Variants in NBEA observed in about 807,000 individuals in gnomAD.
NBEA encodes lysosomal-trafficking regulator 2.
A neutral mutation model predicts 343.4 loss-of-function variants in NBEA; 44 were observed. The ratio of observed to expected loss-of-function variants is 0.13; its 90% confidence interval spans 0.10 to 0.16. The LOEUF is 0.16. Ranked by LOEUF, NBEA falls within the 10% of genes least tolerant of loss-of-function variation. The pLI is 1.00. For synonymous variants in NBEA, 1,175 were observed against 1,238.7 expected, an observed-to-expected ratio of 0.95 and a Z score of 1.08; for missense variants, 2,555 against 3,631.3, an observed-to-expected ratio of 0.70 and a Z score of 7.62.
At chr13:35,593,560 T>C in intron 47 of NBEA, 113 bp downstream of exon 47, 1 of 676,808 alleles carries the variant, frequency 1.5e-6, no homozygotes, top group Non-Finnish European at 2.3e-6. Flanking sequence ...TCCATCATAT[T>C]AAAATTATAT....
chr13:35,351,665 A>T (rs1343640568), intron 37 of NBEA, among the ~76,000 whole-genome samples: 1 of 151,976 alleles, frequency 6.6e-6, no homozygotes, highest in Non-Finnish European at 1.5e-5. Context: ...TGGAGTTTGC[A>T]TATTTTGTGA....
intron 1 of NBEA, among the ~76,000 whole-genome samples, chr13:34,960,785 AT>A (rs2059637382): frequency 6.6e-6 from 1 of 152,134 alleles, no homozygotes. Flanking sequence ...ACACTCTGAT[AT>A]TTGTACAACA....
At chr13:35,260,167 C>T (rs2033078450) in intron 34 of NBEA, among the ~76,000 whole-genome samples, 1 of 152,124 alleles carries the variant, frequency 6.6e-6, no homozygotes, top group Non-Finnish European at 1.5e-5. Flanking sequence ...CATGAAATAA[C>T]AAAGTCAGTC....
At chr13:35,150,360 G>A (rs1478072634) in intron 18 of NBEA, among the ~76,000 whole-genome samples, 1 of 151,918 alleles carries the variant, frequency 6.6e-6, no homozygotes, top group African/African-American at 2.4e-5. Context: ...TAATACTATG[G>A]CCAAACCAAA....
At chr13:35,485,205 A>G (rs558450198) in intron 41 of NBEA, among the ~76,000 whole-genome samples, 30 of 152,242 alleles carry the variant, frequency 2.0e-4, no homozygotes, top group African/African-American at 7.2e-4. Context: ...TGGGTGCTAT[A>G]TTGGATGTGT....
intron 41 of NBEA, among the ~76,000 whole-genome samples, chr13:35,534,207 C>G (rs1223575029): frequency 6.6e-6 from 1 of 152,090 alleles, no homozygotes; most frequent in East Asian, 1.9e-4. Context: ...TGGCAGAAAA[C>G]TCCTAGCCAC....
chr13:35,561,398 C>T (rs1407101231), intron 44 of NBEA, among the ~76,000 whole-genome samples: 1 of 152,040 alleles, frequency 6.6e-6, no homozygotes, highest in Non-Finnish European at 1.5e-5. Context: ...TTTCTGGCTT[C>T]ACATGTTTAA....
In NBEA at chr13:35,523,614, C is replaced by T. The variant is rs1039786469; in HGVS notation, c.6586-26863C>T. Among the ~76,000 whole-genome samples, 4 of 152,136 alleles carry T rather than the reference C, an allele frequency of 2.6e-5. No homozygotes were observed. The East Asian group carries it at 5.8e-4, about 22-fold the overall frequency. On this transcript the variant is annotated intron_variant, in intron 41 of 58. Transcript: ENST00000379939. The stretch of plus-strand genomic sequence containing the variant: ...CCAATGAGTTACTATGTAAAGCATA[C>T]GCCTGCCTCTCCTGGGGGTTGTTTG...
intron 41 of NBEA, among the ~76,000 whole-genome samples, chr13:35,526,585 T>A (rs144541175): frequency 6.6e-6 from 1 of 152,332 alleles, no homozygotes; most frequent in Non-Finnish European, 1.5e-5. Context: ...GTGTCACTTT[T>A]CCAGCTGGAA....
chr13:35,608,342 A>T, intron 48 of NBEA, among the ~76,000 whole-genome samples: 1 of 152,280 alleles, frequency 6.6e-6, no homozygotes, highest in South Asian at 2.1e-4. Context: ...TATATTTTTA[A>T]TGTGAATGAC....
chr13:35,478,632 G>A (rs150715401), intron 41 of NBEA, among the ~76,000 whole-genome samples: 53 of 152,310 alleles, frequency 3.5e-4, no homozygotes, highest in Non-Finnish European at 7.1e-4. Flanking sequence ...TTGGTGTCCC[G>A]GCTTACTCTC....
intron 10 of NBEA, among the ~76,000 whole-genome samples, chr13:35,074,416 T>C (rs1195257435): frequency 6.6e-6 from 1 of 152,098 alleles, no homozygotes; most frequent in African/African-American, 2.4e-5. Context: ...CCTAAGACAG[T>C]TTTGCTTTGA....
intron 18 of NBEA, among the ~76,000 whole-genome samples, chr13:35,153,994 G>A (rs993578550): frequency 1.3e-5 from 2 of 152,098 alleles, no homozygotes; most frequent in African/African-American, 2.4e-5. Flanking sequence ...TGTCAACTCC[G>A]TTTGATTAGG....
intron 10 of NBEA, among the ~76,000 whole-genome samples, chr13:35,090,061 A>AAATAAAT (rs1555300355): frequency 6.9e-5 from 10 of 145,106 alleles, no homozygotes; most frequent in Non-Finnish European, 9.1e-5. Context: ...AAAGTATAAT[A>AAATAAAT]AAATAAATAA....
intron 38 of NBEA, among the ~76,000 whole-genome samples, chr13:35,369,452 T>G (rs1391099157): frequency 2.0e-5 from 3 of 151,826 alleles, no homozygotes; most frequent in African/African-American, 7.2e-5. Context: ...TAGGGATTGC[T>G]TTGAATCTGT....
intron 13 of NBEA, among the ~76,000 whole-genome samples, chr13:35,113,391 T>C (rs780831525): frequency 6.6e-5 from 10 of 152,172 alleles, no homozygotes; most frequent in Non-Finnish European, 1.3e-4. Flanking sequence ...TGGTAATTAA[T>C]AAGTATTTGG....
intron 1 of NBEA, among the ~76,000 whole-genome samples, chr13:34,960,412 C>CT (rs919364867): frequency 8.6e-5 from 13 of 151,714 alleles, no homozygotes; most frequent in Admixed American, 2.0e-4. Flanking sequence ...AAGAAATAAA[C>CT]TTTTTTTTGT....
chr13:35,410,607 AC>A (rs2043524877), intron 38 of NBEA, among the ~76,000 whole-genome samples: 1 of 152,138 alleles, frequency 6.6e-6, no homozygotes, highest in South Asian at 2.1e-4. Flanking sequence ...CAACATAAAT[AC>A]CATCAAGTTC....
At chr13:35,090,639 A>C (rs2065034918) in intron 10 of NBEA, among the ~76,000 whole-genome samples, 1 of 151,896 alleles carries the variant, frequency 6.6e-6, no homozygotes, top group Non-Finnish European at 1.5e-5. Context: ...CTGTCTAATT[A>C]GTATGTTGAG....
Sources: gnomAD v4.1 joint callset for allele counts (sites outside exome capture counted in the v4.1 genomes callset) on GRCh38, gnomAD v4.1.1 for gene constraint, MANE v1.5 for transcripts, NCBI Gene and HGNC (gene_info 2026-07-23, HGNC 2026-07-21) for gene names.